ZNG1A: variants seen among roughly 807,000 people sequenced by gnomAD.
ZNG1A encodes zinc-regulated GTPase metalloprotein activator 1A.
chr9:126,849 G>C, the ZNG1A span, among the ~76,000 whole-genome samples: 4 of 151,888 alleles, frequency 2.6e-5, no homozygotes, highest in African/African-American at 9.7e-5. Flanking sequence ...TCTTAGCACC[G>C]CCTCTGCTGT....
chr9:146,292 A>C, the ZNG1A span: 1 of 756,338 alleles, frequency 1.3e-6, no homozygotes, highest in Non-Finnish European at 2.1e-6. Flanking sequence ...TAAGATTTGA[A>C]TCACAGTTGA....
At chr9:146,336 A>T in the ZNG1A span, 10 of 577,990 alleles carry the variant, frequency 1.7e-5, no homozygotes, top group African/African-American at 1.4e-4. Flanking sequence ...TATTACTTCA[A>T]TGAATTAGGT....
At chr9:155,488 A>C in the ZNG1A span, among the ~76,000 whole-genome samples, 1 of 152,218 alleles carries the variant, frequency 6.6e-6, no homozygotes, top group East Asian at 1.9e-4. Flanking sequence ...CTTTATCACT[A>C]TAAATATACT....
the ZNG1A span, chr9:147,506 T>C: frequency 1.0e-4 from 13 of 126,816 alleles, no homozygotes; most frequent in African/African-American, 4.5e-4. Flanking sequence ...AATGCTTGTC[T>C]TGGCAAAAGA....
At chr9:178,669 A>T in the ZNG1A span, 1 of 818,160 alleles carries the variant, frequency 1.2e-6, no homozygotes, top group Non-Finnish European at 1.9e-6. Flanking sequence ...GGCAACCCAT[A>T]CGAGAAGCAA....
chr9:139,750 C>T, the ZNG1A span, among the ~76,000 whole-genome samples: 4 of 151,504 alleles, frequency 2.6e-5, no homozygotes, highest in African/African-American at 7.3e-5. Context: ...ATCTGAGGTA[C>T]CGGGTTCATC....
the ZNG1A span, chr9:163,938 A>C: frequency 5.7e-6 from 9 of 1,569,306 alleles, no homozygotes; most frequent in Non-Finnish European, 7.7e-6. Flanking sequence ...AAAAAAAAAA[A>C]AAAACAAGAA....
the ZNG1A span, chr9:175,796 A>G: frequency 1.5e-6 from 1 of 688,282 alleles, no homozygotes. Context: ...TATAAAACAT[A>G]TTTTTTGTAA....
At chr9:144,454 C>A in the ZNG1A span, among the ~76,000 whole-genome samples, 1 of 151,760 alleles carries the variant, frequency 6.6e-6, no homozygotes, top group African/African-American at 2.4e-5. Context: ...GAAAGGATTC[C>A]CTATTTAATA....
At chr9:177,897 C>T in the ZNG1A span, 3 of 1,515,132 alleles carry the variant, frequency 2.0e-6, no homozygotes, top group Middle Eastern at 2.4e-4. Flanking sequence ...TTACAGTCTA[C>T]AAAGTTTTTA....
chr9:154,430 G>C, the ZNG1A span: 6 of 498,558 alleles, frequency 1.2e-5, no homozygotes, highest in South Asian at 3.7e-5. Flanking sequence ...ACTGACATTA[G>C]GAAAGAGTCA....
chr9:154,768 G>A, the ZNG1A span: 1 of 1,596,390 alleles, frequency 6.3e-7, no homozygotes, highest in Non-Finnish European at 8.5e-7. Context: ...TTTTATTAAT[G>A]AGAATGGCAT....
chr9:161,604 G>A, the ZNG1A span: 2 of 1,286,630 alleles, frequency 1.6e-6, no homozygotes, highest in South Asian at 2.5e-5. Flanking sequence ...ATTGGGAACG[G>A]GTCAGTGGGT....
the ZNG1A span, chr9:150,061 A>T: frequency 6.6e-6 from 1 of 151,946 alleles, no homozygotes; most frequent in East Asian, 1.9e-4. Flanking sequence ...TAAACAAAAA[A>T]TAAAACAAAA....
the ZNG1A span, among the ~76,000 whole-genome samples, chr9:139,335 T>C: frequency 6.7e-6 from 1 of 149,514 alleles, no homozygotes; most frequent in African/African-American, 2.5e-5. Context: ...AGAAAGAGTG[T>C]AGAATGGTGG....
At chr9:128,799 G>A in the ZNG1A span, among the ~76,000 whole-genome samples, 31 of 150,312 alleles carry the variant, frequency 2.1e-4, no homozygotes, top group Non-Finnish European at 3.8e-4. Flanking sequence ...CTTCTCATTT[G>A]GGTAGGCTCT....
the ZNG1A span, among the ~76,000 whole-genome samples, chr9:174,745 T>C: frequency 1.4e-4 from 21 of 151,494 alleles, no homozygotes; most frequent in Admixed American, 1.2e-3. Context: ...AAGAAATCGT[T>C]TAATAGATAT....
the ZNG1A span, among the ~76,000 whole-genome samples, chr9:155,792 A>C: frequency 8.6e-5 from 13 of 151,636 alleles, no homozygotes; most frequent in Admixed American, 2.6e-4. Context: ...TATTTTCATA[A>C]GGAAAACAGT....
the ZNG1A span, among the ~76,000 whole-genome samples, chr9:176,515 T>C: frequency 6.6e-6 from 1 of 152,098 alleles, no homozygotes; most frequent in South Asian, 2.1e-4. Context: ...TTTTCTAGTA[T>C]ATAACTAGAT....
Sources: allele counts gnomAD v4.1 joint callset (sites outside exome capture counted in the v4.1 genomes callset), GRCh38; gene constraint gnomAD v4.1.1; transcripts MANE v1.5; gene names NCBI Gene and HGNC (gene_info 2026-07-23, HGNC 2026-07-21).